Variants in SH3PXD2A observed in about 807,000 individuals in gnomAD.
SH3PXD2A encodes SH3 and PX domain-containing protein 2A.
A neutral mutation model predicts 115.2 loss-of-function variants in SH3PXD2A; 32 were observed. The observed-to-expected ratio is 0.28, with a 90% confidence interval of 0.21 to 0.37. The LOEUF (loss-of-function observed/expected upper bound fraction) is 0.37. SH3PXD2A is among the 10% of genes least tolerant of loss of function. The pLI, the probability that SH3PXD2A is intolerant of heterozygous loss-of-function variation, is 1.00. For missense variants in SH3PXD2A, 1,328 were observed against 1,498.7 expected, an observed-to-expected ratio of 0.89 and a Z score of 1.88; for synonymous variants, 610 against 629.1, an observed-to-expected ratio of 0.97 and a Z score of 0.45.
chr10:103,634,740 T>G (rs1297355899), intron 8 of SH3PXD2A, among the ~76,000 whole-genome samples: 1 of 152,120 alleles, frequency 6.6e-6, no homozygotes, highest in African/African-American at 2.4e-5. Flanking sequence ...GAGGGTCCTC[T>G]GGGAACAGAG....
At chr10:103,821,683 C>G (rs536248935) in intron 1 of SH3PXD2A, among the ~76,000 whole-genome samples, 92 of 151,972 alleles carry the variant, frequency 6.1e-4, no homozygotes, top group African/African-American at 2.1e-3. Flanking sequence ...TCCCCTGCCC[C>G]CCACCACCAG....
intron 2 of SH3PXD2A, among the ~76,000 whole-genome samples, chr10:103,795,932 CAGGA>C (rs938972216): frequency 6.0e-4 from 59 of 98,262 alleles, no homozygotes; most frequent in African/African-American, 7.6e-4. Context: ...GGAAGGAAGG[CAGGA>C]AGGAAGGAAG....
intron 1 of SH3PXD2A, among the ~76,000 whole-genome samples, chr10:103,842,549 C>T (rs1286420706): frequency 6.6e-6 from 1 of 152,212 alleles, no homozygotes; most frequent in Non-Finnish European, 1.5e-5. Context: ...CTTTATTCCT[C>T]CCACCTGGCC....
chr10:103,790,511 G>C (rs562243647), intron 2 of SH3PXD2A, among the ~76,000 whole-genome samples: 1 of 152,114 alleles, frequency 6.6e-6, no homozygotes, highest in Non-Finnish European at 1.5e-5. Context: ...AGCTAGAAGC[G>C]AGAGTACCAG....
intron 1 of SH3PXD2A, among the ~76,000 whole-genome samples, chr10:103,832,954 T>C (rs553875260): frequency 4.2e-4 from 64 of 152,178 alleles, no homozygotes; most frequent in Non-Finnish European, 7.8e-4. Context: ...TTCAAATTAC[T>C]AGATATTGCC....
At chr10:103,727,295 C>T (rs929880898) in intron 4 of SH3PXD2A, among the ~76,000 whole-genome samples, 7 of 152,112 alleles carry the variant, frequency 4.6e-5, no homozygotes, top group African/African-American at 9.7e-5. Flanking sequence ...TCTCATTTAA[C>T]GCACACTGTC....
chr10:103,768,913 G>A (rs1275756214), intron 2 of SH3PXD2A, among the ~76,000 whole-genome samples: 1 of 152,094 alleles, frequency 6.6e-6, no homozygotes, highest in Non-Finnish European at 1.5e-5. Context: ...AGAGATCACA[G>A]GGCGAGACAG....
chr10:103,645,406 C>T (rs1045853659), intron 8 of SH3PXD2A, among the ~76,000 whole-genome samples: 2 of 152,234 alleles, frequency 1.3e-5, no homozygotes, highest in Non-Finnish European at 2.9e-5. Flanking sequence ...CAGCAAGCAT[C>T]TCTAGCTTAC....
intron 1 of SH3PXD2A, among the ~76,000 whole-genome samples, chr10:103,821,393 T>G (rs1337723604): frequency 4.6e-5 from 7 of 152,122 alleles, no homozygotes; most frequent in Non-Finnish European, 5.9e-5. Context: ...CCTTCCAAAG[T>G]GCTGCGATTA....
intron 1 of SH3PXD2A, among the ~76,000 whole-genome samples, chr10:103,820,231 G>T (rs571298460): frequency 6.6e-6 from 1 of 152,270 alleles, no homozygotes; most frequent in South Asian, 2.1e-4. Flanking sequence ...CTGGAATGAG[G>T]AAAGGGGATT....
At chr10:103,709,230 C>T (rs1410311534) in intron 5 of SH3PXD2A, among the ~76,000 whole-genome samples, 2 of 152,142 alleles carry the variant, frequency 1.3e-5, no homozygotes, top group Non-Finnish European at 2.9e-5. Context: ...TGCTCCAAGC[C>T]TGGGGTTGCT....
chr10:103,634,479 A>G (rs1007173204), intron 8 of SH3PXD2A, among the ~76,000 whole-genome samples: 4 of 152,202 alleles, frequency 2.6e-5, no homozygotes, highest in African/African-American at 9.7e-5. Context: ...CACTTTGCAG[A>G]TGAGGACTCT....
intron 6 of SH3PXD2A, among the ~76,000 whole-genome samples, chr10:103,686,711 T>G (rs2037682572): frequency 6.6e-6 from 1 of 151,858 alleles, no homozygotes; most frequent in African/African-American, 2.4e-5. Flanking sequence ...TCCCCAGTTA[T>G]GCAATCACAC....
At chr10:103,704,818 C>T (rs1241423229) in intron 5 of SH3PXD2A, among the ~76,000 whole-genome samples, 1 of 152,134 alleles carries the variant, frequency 6.6e-6, no homozygotes, top group Non-Finnish European at 1.5e-5. Context: ...AGATGCCAAA[C>T]CAGGGCCATC....
chr10:103,793,667 C>A (rs1459690291), intron 2 of SH3PXD2A, among the ~76,000 whole-genome samples: 1 of 152,232 alleles, frequency 6.6e-6, no homozygotes, highest in African/African-American at 2.4e-5. Context: ...CACTGCCACA[C>A]CAGGTGTGCT....
chr10:103,792,418 G>A (rs1026191806), intron 2 of SH3PXD2A, among the ~76,000 whole-genome samples: 1 of 152,132 alleles, frequency 6.6e-6, no homozygotes, highest in Non-Finnish European at 1.5e-5. Flanking sequence ...GATGGAGTGG[G>A]GCTCTCTGGC....
chr10:103,606,642 G>A (rs1194321073), intron 13 of SH3PXD2A, among the ~76,000 whole-genome samples: 1 of 152,028 alleles, frequency 6.6e-6, no homozygotes, highest in Non-Finnish European at 1.5e-5. Flanking sequence ...TTGCAGGCGC[G>A]CGCCGCCATG....
At chr10:103,797,574 G>A (rs570239304) in intron 2 of SH3PXD2A, among the ~76,000 whole-genome samples, 2 of 152,110 alleles carry the variant, frequency 1.3e-5, no homozygotes, top group African/African-American at 4.8e-5. Flanking sequence ...CCTGCTTGCT[G>A]TTCTCAGGGC....
rs1431236944 is a variant in SH3PXD2A, at chr10:103,603,662, C to T, written c.1556G>A (p.Arg519Gln). 7 of 1,605,712 alleles carry T rather than the reference C, an allele frequency of 4.4e-6. No homozygotes were observed. The highest frequency in any genetic ancestry group is 1.1e-5 in the South Asian group (1 of 90,010). Residue 519 changes from arginine (R) to glutamine (Q), a missense_variant, in exon 15 of 15, where the codon CGG (arginine) becomes CAG (glutamine). By Grantham distance (43) the Arg-to-Gln change is conservative. This residue lies in a region of SH3PXD2A where 509 missense variants were observed against 628.3 expected (regional missense o/e 0.81). Transcript: ENST00000369774. Reference sequence around the variant, plus strand: ...GGGTGCTGGCGGGGGCACCTTGGGCCGGGTCAGCGTGCTTGTGCGGCGGCT... The same window carrying T: ...GGGTGCTGGCGGGGGCACCTTGGGCTGGGTCAGCGTGCTTGTGCGGCGGCT... ...NLSRRTSTLT[R>Q]PKVPPPAPPS... is the part of the protein sequence containing the mutation.
Sources: allele counts gnomAD v4.1 joint callset (sites outside exome capture counted in the v4.1 genomes callset), GRCh38; gene constraint gnomAD v4.1.1; regional missense constraint gnomAD v4.1.1; transcripts MANE v1.5; gene names NCBI Gene and HGNC (gene_info 2026-07-23, HGNC 2026-07-21).